ADAM32: variants seen among roughly 807,000 people sequenced by gnomAD.
The protein encoded by ADAM32 is ADAM metallopeptidase domain 32.
A neutral mutation model predicts 114.9 loss-of-function variants in ADAM32; 89 were observed. The ratio of observed to expected loss-of-function variants is 0.77; its 90% CI spans 0.65 to 0.92. The LOEUF (loss-of-function observed/expected upper bound fraction) is 0.92, where lower values mean the gene tolerates loss of function less well. ADAM32 is among the 40% of genes least tolerant of loss of function. The pLI is 0.00. For missense variants in ADAM32, 870 were observed against 932.8 expected (o/e 0.93, Z 0.88); for synonymous variants, 285 against 307.5 (o/e 0.93, Z 0.77).
At chr8:39,241,781 A>G (rs1188136908) in intron 16 of ADAM32, among the ~76,000 whole-genome samples, 1 of 152,194 alleles carries the variant, frequency 6.6e-6, no homozygotes, top group Non-Finnish European at 1.5e-5. Flanking sequence ...AAGGCCTCTG[A>G]CATGCCCTGG....
At chr8:39,245,341 A>G (rs1810835418) in intron 16 of ADAM32, among the ~76,000 whole-genome samples, 1 of 152,172 alleles carries the variant, frequency 6.6e-6, no homozygotes, top group Non-Finnish European at 1.5e-5. Flanking sequence ...AAGGCTACAT[A>G]TTGGGTACAG....
Position 39,221,590 on chromosome 8 carries a change from TAC to T in ADAM32, c.1234-18_1234-17del, listed in dbSNP as rs748922952. 1.9e-6 allele frequency: 3 copies of T among 1,578,758 alleles called. No individual in the cohort carries two copies. The South Asian group carries it at 3.4e-5, about 18-fold the overall frequency. ...TATTGTCATGATGTATTTTTACTTG[TAC>T]ATTTCACTAATTCATAGCAATGTGG... On this transcript the variant is annotated intron_variant, in intron 12 of 24. Coordinates refer to ENST00000379907, the MANE Select transcript of ADAM32 (RefSeq NM_145004.7).
intron 4 of ADAM32, among the ~76,000 whole-genome samples, chr8:39,149,061 G>A (rs1000994770): frequency 6.6e-6 from 1 of 152,126 alleles, no homozygotes. Context: ...TTTTGCATAT[G>A]TTAACTAGGT....
chr8:39,254,879 C>A (rs1047663458), intron 18 of ADAM32, among the ~76,000 whole-genome samples: 1 of 151,784 alleles, frequency 6.6e-6, no homozygotes, highest in Non-Finnish European at 1.5e-5. Flanking sequence ...TCCTTCCCCT[C>A]AATACCCCAA....
chr8:39,113,995 T>C (rs554977486), intron 1 of ADAM32, among the ~76,000 whole-genome samples: 49 of 122,370 alleles, frequency 4.0e-4, no homozygotes, highest in Admixed American at 3.9e-3. Flanking sequence ...CATTGGAATC[T>C]ATATTTTTTT....
chr8:39,130,460 A>C (rs1215614272), intron 2 of ADAM32, among the ~76,000 whole-genome samples: 4 of 152,004 alleles, frequency 2.6e-5, no homozygotes, highest in Non-Finnish European at 4.4e-5. Context: ...AAATGTCTTA[A>C]GATGGAAATT....
chr8:39,155,849 T>G (rs1372211755), intron 6 of ADAM32, among the ~76,000 whole-genome samples: 1 of 152,184 alleles, frequency 6.6e-6, no homozygotes, highest in Non-Finnish European at 1.5e-5. Flanking sequence ...TAATTTTGAT[T>G]ATTTTCTTAG....
chr8:39,284,360 T>TAC (rs375169437), intron 24 of ADAM32, among the ~76,000 whole-genome samples: 17,380 of 149,322 alleles, frequency 0.12, 3,187 homozygotes, highest in African/African-American at 0.39. Context: ...AATACTGTTA[T>TAC]ACACACACAC....
chr8:39,123,704 CTTT>C (rs34747712), intron 2 of ADAM32, among the ~76,000 whole-genome samples: 1 of 132,164 alleles, frequency 7.6e-6, no homozygotes, highest in African/African-American at 2.9e-5. Context: ...ATTTTCTTTC[CTTT>C]TTTTTTTTTT....
intron 18 of ADAM32, among the ~76,000 whole-genome samples, chr8:39,255,850 T>C (rs1213387966): frequency 6.6e-6 from 1 of 152,070 alleles, no homozygotes; most frequent in African/African-American, 2.4e-5. Flanking sequence ...AGAATTTTTA[T>C]GGTTTCAGGT....
chr8:39,275,241 T>C (rs1813000358), intron 21 of ADAM32, among the ~76,000 whole-genome samples: 1 of 152,236 alleles, frequency 6.6e-6, no homozygotes, highest in African/African-American at 2.4e-5. Flanking sequence ...ATGTGGCTTA[T>C]GAAACTGACT....
rs552579993 is a variant in ADAM32, at chr8:39,215,716, C to T, written c.1233+4392C>T. On this transcript the variant is annotated intron_variant, in intron 12 of 24. Coordinates refer to ENST00000379907, the MANE Select transcript of ADAM32 (RefSeq NM_145004.7). Reference sequence around the variant, plus strand: ...AGTTTTCAAAATTCCTCTTGTTATTCGTTTCTTGTTTTATTGCATTGTGGT... The same window carrying T: ...AGTTTTCAAAATTCCTCTTGTTATTTGTTTCTTGTTTTATTGCATTGTGGT... Among the ~76,000 whole-genome samples, 56 of 151,856 alleles carry T rather than the reference C, an allele frequency of 3.7e-4. No individual in the cohort carries two copies. In the South Asian group the frequency reaches 0.011, roughly 29 times the overall value.
intron 12 of ADAM32, among the ~76,000 whole-genome samples, chr8:39,216,726 T>C (rs889064421): frequency 1.3e-5 from 2 of 152,046 alleles, no homozygotes; most frequent in Non-Finnish European, 2.9e-5. Flanking sequence ...AAAAGAAGGC[T>C]AATAAAAACT....
chr8:39,239,486 C>A (rs1810411817), intron 16 of ADAM32, among the ~76,000 whole-genome samples: 1 of 152,130 alleles, frequency 6.6e-6, no homozygotes, highest in East Asian at 1.9e-4. Context: ...ATAAATTTCA[C>A]AGGGTCTCTA....
chr8:39,170,886 A>T (rs984038799), intron 10 of ADAM32, among the ~76,000 whole-genome samples: 3 of 152,072 alleles, frequency 2.0e-5, no homozygotes, highest in Admixed American at 6.6e-5. Context: ...GATGAAGAGA[A>T]GTTGAGTAAT....
chr8:39,271,822 A>C (rs2129451354), intron 20 of ADAM32, among the ~76,000 whole-genome samples: 1 of 152,254 alleles, frequency 6.6e-6, no homozygotes, highest in South Asian at 2.1e-4. Flanking sequence ...ACACTGAAAG[A>C]GAATATGGAG....
chr8:39,183,653 A>G (rs1392248553), intron 10 of ADAM32, among the ~76,000 whole-genome samples: 1 of 152,212 alleles, frequency 6.6e-6, no homozygotes, highest in Non-Finnish European at 1.5e-5. Flanking sequence ...TTAAAAAATC[A>G]TTAGTGACAT....
intron 10 of ADAM32, among the ~76,000 whole-genome samples, chr8:39,170,482 G>A (rs1408633575): frequency 6.6e-6 from 1 of 151,710 alleles, no homozygotes; most frequent in African/African-American, 2.4e-5. Flanking sequence ...TATATAATGG[G>A]TAAAAATAAA....
intron 15 of ADAM32, among the ~76,000 whole-genome samples, chr8:39,232,427 T>A (rs1417310491): frequency 6.6e-6 from 1 of 152,130 alleles, no homozygotes; most frequent in Non-Finnish European, 1.5e-5. Context: ...CCATCCCACT[T>A]GGTTACTTGC....
Sources: gnomAD v4.1 joint callset for allele counts (sites outside exome capture counted in the v4.1 genomes callset) on GRCh38, gnomAD v4.1.1 for gene constraint, MANE v1.5 for transcripts, NCBI Gene and HGNC (gene_info 2026-07-23, HGNC 2026-07-21) for gene names.